CREBBP: variants seen among roughly 807,000 people sequenced by gnomAD.
CREBBP encodes the protein CREB-binding protein.
In CREBBP, 19 loss-of-function variants were observed where a neutral mutation model predicts 265.0. The observed-to-expected ratio is 0.07, with a 90% CI of 0.05 to 0.11. The LOEUF (loss-of-function observed/expected upper bound fraction) is 0.11. Ranked by LOEUF, CREBBP falls within the 10% of genes least tolerant of loss-of-function variation. The probability of loss-of-function intolerance (pLI) is 1.00; values close to 1 mark genes in which losing one functional copy is unlikely to be tolerated. For missense variants in CREBBP, 2,525 were observed against 3,219.0 expected, an observed-to-expected ratio of 0.78 and a Z score of 5.22; for synonymous variants, 1,457 against 1,223.7, an observed-to-expected ratio of 1.19 and a Z score of -3.98.
At chr16:3,761,944 G>A (rs959884651) in intron 16 of CREBBP, among the ~76,000 whole-genome samples, 1 of 152,174 alleles carries the variant, frequency 6.6e-6, no homozygotes, top group Non-Finnish European at 1.5e-5. Context: ...GTGGCCAGCT[G>A]CTTGCTTTTC....
At chr16:3,846,040 G>T (rs571280588) in intron 2 of CREBBP, among the ~76,000 whole-genome samples, 1 of 152,284 alleles carries the variant, frequency 6.6e-6, no homozygotes, top group African/African-American at 2.4e-5. Context: ...TATACAAACT[G>T]AAAACATATA....
At chr16:3,830,709 A>G (rs558705938) in intron 2 of CREBBP, among the ~76,000 whole-genome samples, 4 of 152,218 alleles carry the variant, frequency 2.6e-5, no homozygotes, top group African/African-American at 9.6e-5. Context: ...CAAAAAAATC[A>G]TAAGGATTTG....
chr16:3,831,072 G>A (rs1313559859), intron 2 of CREBBP, among the ~76,000 whole-genome samples: 2 of 152,138 alleles, frequency 1.3e-5, no homozygotes, highest in East Asian at 1.9e-4. Flanking sequence ...GAGACACTGC[G>A]CCTGATCATT....
At chr16:3,738,197 A>C (rs1486270348) in intron 26 of CREBBP, among the ~76,000 whole-genome samples, 1 of 152,046 alleles carries the variant, frequency 6.6e-6, no homozygotes, top group Non-Finnish European at 1.5e-5. Flanking sequence ...GGTCAATAAC[A>C]ATGTTCTGAA....
chr16:3,849,302 T>C (rs373086937), intron 2 of CREBBP, among the ~76,000 whole-genome samples: 3 of 151,808 alleles, frequency 2.0e-5, no homozygotes, highest in African/African-American at 7.3e-5. Context: ...CAAGTCCAGT[T>C]CCTACTCTAG....
chr16:3,744,032 C>T (rs1410000392), intron 23 of CREBBP, among the ~76,000 whole-genome samples: 4 of 152,036 alleles, frequency 2.6e-5, no homozygotes, highest in Non-Finnish European at 5.9e-5. Flanking sequence ...GCTGAGATTG[C>T]ACCACTGCAC....
intron 2 of CREBBP, among the ~76,000 whole-genome samples, chr16:3,847,044 A>G (rs950336826): frequency 5.3e-5 from 8 of 152,244 alleles, no homozygotes; most frequent in Non-Finnish European, 1.0e-4. Context: ...GCATTGCTGC[A>G]CTAGCAAAAA....
At chr16:3,796,921 T>C (rs1040181628) in intron 3 of CREBBP, among the ~76,000 whole-genome samples, 3 of 152,242 alleles carry the variant, frequency 2.0e-5, no homozygotes. Flanking sequence ...TGTCTCTGTC[T>C]TTCCCCATGG....
intron 1 of CREBBP, among the ~76,000 whole-genome samples, chr16:3,878,626 C>A (rs1442492453): frequency 6.6e-6 from 1 of 152,190 alleles, no homozygotes; most frequent in East Asian, 1.9e-4. Context: ...GGTCACAGAA[C>A]TATTTCCACA....
In CREBBP at chr16:3,770,564, G is replaced by A. The variant is rs754118590; in HGVS notation, c.2880+6C>T. 1 of 1,612,396 alleles carries A rather than the reference G, an allele frequency of 6.2e-7. No individual in the cohort carries two copies. Among genetic ancestry groups the A allele is most frequent in the South Asian group, 1.1e-5 (1 of 91,036 alleles). On this transcript the variant is annotated splice_donor_region_variant and intron_variant, in intron 14 of 30. Coordinates refer to ENST00000262367, the MANE Select transcript of CREBBP (RefSeq NM_004380.3). Reference sequence around the variant, plus strand: ...GCCCAAAAACAGCAGAGACAGAGAGGCTTACCGGTGTGCCAGGAGGCTGGG... The same window carrying A: ...GCCCAAAAACAGCAGAGACAGAGAGACTTACCGGTGTGCCAGGAGGCTGGG...
intron 27 of CREBBP, 156 bp from the exon 28 acceptor site, chr16:3,736,359 T>G: frequency 1.3e-6 from 1 of 784,452 alleles, no homozygotes; most frequent in Non-Finnish European, 2.1e-6. Flanking sequence ...CCCCCACACA[T>G]GTGCACCCCC....
chr16:3,856,922 T>G (rs148576270), intron 1 of CREBBP, among the ~76,000 whole-genome samples: 1 of 152,312 alleles, frequency 6.6e-6, no homozygotes, highest in African/African-American at 2.4e-5. Flanking sequence ...CAGAGAGTAC[T>G]TAGTGAAACC....
rs2141204865 is a variant in CREBBP, at chr16:3,770,982, T to A, written c.2468A>T (p.Gln823Leu). The A allele has an allele frequency of 1.9e-6, 3 of 1,613,464 alleles. No homozygotes were observed. The highest frequency in any genetic ancestry group is 2.5e-6 in the Non-Finnish European group (3 of 1,179,948). Reference sequence around the variant, plus strand: ...GTTAGGAAGAGCAGCACCAGGCACCTGTCCCTACCAGAAATGGACAGAGTA... The same window carrying A: ...GTTAGGAAGAGCAGCACCAGGCACCAGTCCCTACCAGAAATGGACAGAGTA... ...PPAQTGVSQG[Q>L]VPGAALPNPL... Residue 823 changes from glutamine (Q) to leucine (L), a missense_variant, in exon 14 of 31, where the codon CAG (glutamine) becomes CTG (leucine). Physicochemically the swap from Gln to Leu is moderately radical, Grantham distance 113. This residue lies in a region of CREBBP where 548 missense variants were observed against 533.0 expected (regional missense o/e 1.03). Coordinates refer to ENST00000262367, the MANE Select transcript of CREBBP (RefSeq NM_004380.3).
At chr16:3,865,642 A>ATT (rs113662196) in intron 1 of CREBBP, among the ~76,000 whole-genome samples, 8 of 145,708 alleles carry the variant, frequency 5.5e-5, no homozygotes, top group East Asian at 2.0e-4. Context: ...AAAGGAACTA[A>ATT]TTTTTTTTTT....
intron 1 of CREBBP, among the ~76,000 whole-genome samples, chr16:3,871,882 A>G (rs1707342189): frequency 6.6e-6 from 1 of 152,248 alleles, no homozygotes; most frequent in African/African-American, 2.4e-5. Context: ...TAGTACAGGC[A>G]TATTAGAAAG....
At chr16:3,849,860 C>T (rs930484738) in intron 2 of CREBBP, among the ~76,000 whole-genome samples, 1 of 152,128 alleles carries the variant, frequency 6.6e-6, no homozygotes, top group African/African-American at 2.4e-5. Context: ...GCTCTGCCAC[C>T]TCTTCCTTGT....
Position 3,859,347 on chromosome 16 carries a change from C to G in CREBBP, c.86-8338G>C, listed in dbSNP as rs975142759. On this transcript the variant is annotated intron_variant, in intron 1 of 30. Transcript: ENST00000262367. Reference sequence around the variant, plus strand: ...AGCTGGGATTACAGGCGCATACCACCACACCCGGCTAATTTTTTGTATTTT... The same window carrying G: ...AGCTGGGATTACAGGCGCATACCACGACACCCGGCTAATTTTTTGTATTTT... Among the ~76,000 whole-genome samples the G allele has an allele frequency of 1.6e-4, 24 of 152,216 alleles. No homozygotes were observed. The East Asian group carries it at 4.4e-3, about 28-fold the overall frequency.
intron 2 of CREBBP, among the ~76,000 whole-genome samples, chr16:3,816,763 A>G (rs566384484): frequency 1.1e-4 from 16 of 152,338 alleles, no homozygotes; most frequent in African/African-American, 3.8e-4. Context: ...AAACTAGGAT[A>G]AAACTTCTCA....
intron 2 of CREBBP, among the ~76,000 whole-genome samples, chr16:3,849,781 G>C (rs987721978): frequency 3.3e-5 from 5 of 151,988 alleles, no homozygotes; most frequent in African/African-American, 1.2e-4. Context: ...TGCTGGTCCA[G>C]GGGACCCCAC....
Sources: gnomAD v4.1 joint callset for allele counts (sites outside exome capture counted in the v4.1 genomes callset) on GRCh38, gnomAD v4.1.1 for gene constraint, gnomAD v4.1.1 regional missense constraint, MANE v1.5 for transcripts, NCBI Gene and HGNC (gene_info 2026-07-23, HGNC 2026-07-21) for gene names.